The following USP13 variants were observed in gnomAD, a reference collection of about 807,000 sequenced individuals.
USP13 encodes the protein ubiquitin carboxyl-terminal hydrolase 13.
In USP13, 68 loss-of-function variants were observed where a neutral mutation model predicts 107.8. The observed-to-expected ratio is 0.63, with a 90% CI of 0.52 to 0.77. The LOEUF is 0.77. USP13 is among the 30% of genes least tolerant of loss of function. The probability of loss-of-function intolerance (pLI) is 0.00; values close to 1 mark genes in which losing one functional copy is unlikely to be tolerated. For synonymous variants in USP13, 377 were observed against 389.5 expected (o/e 0.97, Z 0.38); for missense variants, 945 against 1,093.3 (o/e 0.86, Z 1.91).
chr3:179,689,320 C>G (rs1712017905), intron 2 of USP13, among the ~76,000 whole-genome samples: 1 of 152,106 alleles, frequency 6.6e-6, no homozygotes, highest in Admixed American at 6.5e-5. Context: ...ACTCGATGGG[C>G]ATTTTATTTC....
intron 1 of USP13, among the ~76,000 whole-genome samples, chr3:179,668,151 C>T (rs1021622168): frequency 6.6e-6 from 1 of 152,126 alleles, no homozygotes; most frequent in African/African-American, 2.4e-5. Flanking sequence ...ACTGCATTAA[C>T]ATTTCAACAT....
chr3:179,685,027 T>G (rs1441415971), intron 2 of USP13, among the ~76,000 whole-genome samples: 10 of 152,196 alleles, frequency 6.6e-5, no homozygotes, highest in Admixed American at 6.5e-4. Flanking sequence ...TCCTTAGCAC[T>G]TAACAGTGCC....
At position 179,653,462 on chromosome 3, in the gene USP13, A is replaced by T; in HGVS notation, c.168+69A>T. On this transcript the variant is annotated intron_variant, in intron 1 of 20. Transcript: ENST00000263966. The surrounding 1 kb of genome is among the most constrained non-coding windows in gnomAD (Gnocchi z 4.0). ...GCGGCACGTGAAGCCGGGGGAGAAG[A>T]TGCGCAGTGGCGGCCGGGACCTCTT... is the stretch of plus-strand genomic sequence containing the variant. The T allele has an allele frequency of 6.6e-7, 1 of 1,516,366 alleles. No individual in the cohort carries two copies. 93.9% of individuals were successfully genotyped at this position (1,516,366 alleles called of 1,614,324 possible).
chr3:179,664,770 T>G (rs919368956), intron 1 of USP13, among the ~76,000 whole-genome samples: 2 of 152,164 alleles, frequency 1.3e-5, no homozygotes, highest in Non-Finnish European at 2.9e-5. Context: ...AGGTGCAAGA[T>G]AGTATGTGCC....
rs554968101 is a variant in USP13, at chr3:179,662,692, C to CTA, written c.168+9299_168+9300insTA. On this transcript the variant is annotated intron_variant, in intron 1 of 20. Coordinates refer to ENST00000263966, the MANE Select transcript of USP13 (RefSeq NM_003940.3). ...GAAGTCACTTGCTGTCCCTTTTGGA[C>CTA]AGTAGTTCATTACCTTTAAAGTTGT... 1.6e-4 allele frequency among the ~76,000 whole-genome samples: 24 copies of CTA among 152,316 alleles called. No individual in the cohort carries two copies. The South Asian group carries it at 4.6e-3, about 29-fold the overall frequency.
Position 179,653,554 on chromosome 3 carries a change from C to T in USP13, c.168+161C>T. 3.0e-6 allele frequency: 3 copies of T among 1,012,292 alleles called. No individual in the cohort carries two copies. Among genetic ancestry groups the T allele is most frequent in the South Asian group, 3.5e-5 (2 of 57,930 alleles). 62.7% of individuals were successfully genotyped at this position (1,012,292 alleles called of 1,614,324 possible). ...TTCGGCAGACACTTAGTGAGCGCCC[C>T]AGGGCTGCTGCAGCCGAGGACTGGC... On this transcript the variant is annotated intron_variant, in intron 1 of 20. Transcript: ENST00000263966. The surrounding 1 kb of genome is among the most constrained non-coding windows in gnomAD (Gnocchi z 4.0).
chr3:179,694,047 T>C (rs1179864092), intron 3 of USP13, among the ~76,000 whole-genome samples: 3 of 151,552 alleles, frequency 2.0e-5, no homozygotes, highest in Non-Finnish European at 4.4e-5. Flanking sequence ...TCATGGACAC[T>C]GCAGACTCGG....
intron 3 of USP13, among the ~76,000 whole-genome samples, chr3:179,697,790 T>G (rs1165570135): frequency 6.6e-6 from 1 of 152,188 alleles, no homozygotes; most frequent in Non-Finnish European, 1.5e-5. Context: ...GAAATCAGAA[T>G]GTATGTTACC....
At chr3:179,783,010 GC>G (rs1312246466) in intron 20 of USP13, among the ~76,000 whole-genome samples, 1 of 152,170 alleles carries the variant, frequency 6.6e-6, no homozygotes, top group Non-Finnish European at 1.5e-5. Context: ...CTCCCAAAGT[GC>G]TGAGATTACA....
intron 8 of USP13, among the ~76,000 whole-genome samples, chr3:179,726,746 C>T (rs1018159059): frequency 3.3e-5 from 5 of 151,764 alleles, no homozygotes; most frequent in Non-Finnish European, 7.4e-5. Flanking sequence ...GGTACAATCA[C>T]GGCTCACTGC....
At chr3:179,714,870 C>CTTTTTTT (rs34976120) in intron 6 of USP13, among the ~76,000 whole-genome samples, 50 of 137,452 alleles carry the variant, frequency 3.6e-4, no homozygotes, top group East Asian at 6.4e-4. Context: ...TTTCCTTTTT[C>CTTTTTTT]TTTTTTTTTT....
At position 179,742,220 on chromosome 3, in the gene USP13, C is replaced by G; in HGVS notation, c.1404C>G (p.Asn468Lys). ...AGAGGAACCGCATCGGCTCAGAAAA[C>G]CCAAGCGATGTTTTTCGTTTTTTGG... ...LVERNRIGSE[N>K]PSDVFRFLVE... The change falls in exon 12 of 21, where the codon AAC (asparagine) becomes AAG (lysine). Residue 468 changes from asparagine to lysine, a missense_variant. By Grantham distance (94) the Asn-to-Lys change is moderately conservative. Coordinates refer to ENST00000263966, the MANE Select transcript of USP13 (RefSeq NM_003940.3). This position sits in a 1 kb window ranked among gnomAD's most constrained non-coding sequence, Gnocchi z 5.0. 1 of 1,614,164 alleles carries G rather than the reference C, an allele frequency of 6.2e-7. No individual in the cohort carries two copies. The highest frequency in any genetic ancestry group is 8.5e-7 in the Non-Finnish European group (1 of 1,180,038).
intron 1 of USP13, among the ~76,000 whole-genome samples, chr3:179,671,980 C>A (rs945493072): frequency 6.6e-6 from 1 of 152,186 alleles, no homozygotes; most frequent in African/African-American, 2.4e-5. Flanking sequence ...TGTTACGCAG[C>A]GACTGTTTCC....
At chr3:179,760,981 TA>T in intron 16 of USP13, 130 bp from the exon 17 acceptor site, 1 of 1,168,578 alleles carries the variant, frequency 8.6e-7, no homozygotes, top group Non-Finnish European at 1.2e-6. Flanking sequence ...CTAAACAAAG[TA>T]AAACCATTAT....
chr3:179,728,605 C>G (rs1402141834), intron 8 of USP13, among the ~76,000 whole-genome samples: 1 of 151,696 alleles, frequency 6.6e-6, no homozygotes, highest in Non-Finnish European at 1.5e-5. Flanking sequence ...GCTGCAATCT[C>G]AGCACTTTGG....
intron 1 of USP13, among the ~76,000 whole-genome samples, chr3:179,656,997 G>A (rs1480853083): frequency 1.3e-5 from 2 of 152,180 alleles, no homozygotes; most frequent in Non-Finnish European, 2.9e-5. Context: ...CATAGAATGA[G>A]GTGATTTCAT....
At chr3:179,686,807 G>A (rs1388882769) in intron 2 of USP13, among the ~76,000 whole-genome samples, 1 of 152,202 alleles carries the variant, frequency 6.6e-6, no homozygotes, top group East Asian at 1.9e-4. Flanking sequence ...TAGCTCTAAT[G>A]TTACTTGACT....
chr3:179,707,119 G>A (rs781596165), intron 5 of USP13, 43 bp downstream of exon 5: 16 of 1,552,526 alleles, frequency 1.0e-5, no homozygotes, highest in Admixed American at 6.2e-5. Flanking sequence ...CCCTAAAACT[G>A]TCCAAAGGAA....
intron 1 of USP13, among the ~76,000 whole-genome samples, chr3:179,668,200 A>G (rs182953141): frequency 3.3e-5 from 5 of 152,188 alleles, no homozygotes; most frequent in African/African-American, 9.6e-5. Flanking sequence ...GGGTCTCGCT[A>G]TGCTGCCCAG....
Sources: gnomAD v4.1 joint callset for allele counts (sites outside exome capture counted in the v4.1 genomes callset) on GRCh38, gnomAD v4.1.1 for gene constraint, Gnocchi (gnomAD v3.1) non-coding constraint, MANE v1.5 for transcripts, NCBI Gene and HGNC (gene_info 2026-07-23, HGNC 2026-07-21) for gene names.